MMP26: variants seen among roughly 807,000 people sequenced by gnomAD.
MMP26 encodes matrix metallopeptidase 26, also known as matrix metalloproteinase-26.
MMP26 carries 33 observed loss-of-function variants against 31.0 expected under a neutral mutation model. That is an observed-to-expected ratio of 1.06 (90% CI 0.81 to 1.42). The LOEUF is 1.42. Among genes scored for constraint, MMP26 ranks in the 40% most tolerant of loss-of-function variants. The pLI, the probability that MMP26 is intolerant of heterozygous loss-of-function variation, is 0.00. For synonymous variants in MMP26, 122 were observed against 114.9 expected, an observed-to-expected ratio of 1.06 and a Z score of -0.40; for missense variants, 347 against 316.1, an observed-to-expected ratio of 1.10 and a Z score of -0.74.
At chr11:4,914,453 G>A in intron 2 of MMP26, 4 of 402,620 alleles carry the variant, frequency 9.9e-6, no homozygotes. Context: ...TCTTTATGAG[G>A]AGTAGCAAGT....
At chr11:4,837,543 T>A (rs899448598) in intron 2 of MMP26, among the ~76,000 whole-genome samples, 2 of 152,182 alleles carry the variant, frequency 1.3e-5, no homozygotes, top group African/African-American at 4.8e-5. Flanking sequence ...GAAAAATGGA[T>A]GAAGATTATT....
intron 2 of MMP26, among the ~76,000 whole-genome samples, chr11:4,897,246 TCTC>T (rs969071702): frequency 1.3e-5 from 2 of 152,058 alleles, no homozygotes; most frequent in Admixed American, 1.3e-4. Context: ...TTCAAGCAAT[TCTC>T]CTGCCTCAGC....
intron 2 of MMP26, among the ~76,000 whole-genome samples, chr11:4,939,083 C>T (rs938866330): frequency 6.6e-6 from 1 of 152,034 alleles, no homozygotes; most frequent in African/African-American, 2.4e-5. Flanking sequence ...TCTTCAGGCA[C>T]GTAATCTAGT....
At chr11:4,818,030 C>T (rs1564787483) in intron 2 of MMP26, among the ~76,000 whole-genome samples, 1 of 152,094 alleles carries the variant, frequency 6.6e-6, no homozygotes, top group East Asian at 1.9e-4. Flanking sequence ...AGTGGAGAGG[C>T]AAGTGCTCAG....
intron 2 of MMP26, among the ~76,000 whole-genome samples, chr11:4,979,512 C>A (rs1279572971): frequency 6.6e-6 from 1 of 152,048 alleles, no homozygotes; most frequent in Non-Finnish European, 1.5e-5. Flanking sequence ...GGTAGTGGCT[C>A]AATCCTTAGT....
intron 2 of MMP26, among the ~76,000 whole-genome samples, chr11:4,770,429 C>T (rs1044188389): frequency 2.6e-5 from 4 of 152,158 alleles, no homozygotes; most frequent in Admixed American, 6.5e-5. Flanking sequence ...TCATCCAACA[C>T]TATAGGTAAA....
At chr11:4,723,009 T>C (rs1156645596) in intron 1 of MMP26, 1 of 910,744 alleles carries the variant, frequency 1.1e-6, no homozygotes, top group Non-Finnish European at 1.8e-6. Flanking sequence ...TCCAGCAGCT[T>C]CCTGTAGGTG....
At chr11:4,762,045 T>A (rs529904721) in intron 1 of MMP26, among the ~76,000 whole-genome samples, 9 of 152,264 alleles carry the variant, frequency 5.9e-5, no homozygotes, top group African/African-American at 1.9e-4. Flanking sequence ...TGTACAGTGA[T>A]TATTGTTTTA....
intron 2 of MMP26, among the ~76,000 whole-genome samples, chr11:4,898,829 CTCTGTGTGTGTG>C (rs1473194932): frequency 0.036 from 4,477 of 125,364 alleles, 86 homozygotes; most frequent in Non-Finnish European, 0.046. Context: ...CTCTCTCTCT[CTCTGTGTGTGTG>C]TGTGTGTGTG....
chr11:4,924,483 G>C, intron 2 of MMP26: 2 of 806,672 alleles, frequency 2.5e-6, no homozygotes, highest in East Asian at 5.2e-5. Flanking sequence ...AACTGGGTGG[G>C]GGCTGATCTA....
chr11:4,923,249 C>A, intron 2 of MMP26: 1 of 895,372 alleles, frequency 1.1e-6, no homozygotes, highest in East Asian at 2.6e-5. Flanking sequence ...GTCACACTGC[C>A]TTATGTTGCA....
At chr11:4,923,821 G>C in intron 2 of MMP26, 1 of 1,613,998 alleles carries the variant, frequency 6.2e-7, no homozygotes, top group Non-Finnish European at 8.5e-7. Flanking sequence ...CCAGCACATG[G>C]GAGTGGCAGT....
chr11:4,988,322 A>G lies in MMP26; in HGVS notation c.99+12A>G. ...GGGACTTTGTTGAGGTAGGTGAACG[A>G]CTCAGGACCACATTATTACATGGTG... is the stretch of plus-strand genomic sequence containing the variant. On this transcript the variant is annotated intron_variant, in intron 3 of 7. Transcript: ENST00000380390. 6.2e-7 allele frequency: 1 copy of G among 1,602,476 alleles called. No individual in the cohort carries two copies. The highest frequency in any genetic ancestry group is 8.6e-7 in the Non-Finnish European group (1 of 1,169,538).
chr11:4,931,456 C>A lies in MMP26; in HGVS notation c.-144-56612C>A, dbSNP rs143622531. Among the ~76,000 whole-genome samples, 223 of 151,992 alleles carry A rather than the reference C, an allele frequency of 1.5e-3. 1 individual carries two copies. The highest frequency in any genetic ancestry group is 5.1e-3 in the African/African-American group (213 of 41,464). The stretch of plus-strand genomic sequence containing the variant: ...GGAACAAAGAGCCAAAAACAAAAGA[C>A]AAAACACGCAAACATATAATATGCA... On this transcript the variant is annotated intron_variant, in intron 2 of 7. Transcript: ENST00000380390.
intron 2 of MMP26, among the ~76,000 whole-genome samples, chr11:4,977,345 C>A (rs1232336307): frequency 3.3e-5 from 5 of 152,084 alleles, no homozygotes; most frequent in Admixed American, 3.3e-4. Context: ...TTGAAGAGAT[C>A]TCTAGGGCTA....
chr11:4,835,446 C>T (rs1849705570), intron 2 of MMP26, among the ~76,000 whole-genome samples: 2 of 152,022 alleles, frequency 1.3e-5, no homozygotes, highest in Admixed American at 1.3e-4. Context: ...ACTTATCAGT[C>T]AAGTTAACGT....
chr11:4,889,883 A>G (rs922710763), intron 2 of MMP26: 8 of 157,790 alleles, frequency 5.1e-5, no homozygotes, highest in African/African-American at 1.9e-4. Flanking sequence ...CAGGATGAGC[A>G]CATAAGACAC....
chr11:4,988,607 A>G (rs1288515018), intron 3 of MMP26, among the ~76,000 whole-genome samples: 2 of 152,006 alleles, frequency 1.3e-5, no homozygotes, highest in Non-Finnish European at 2.9e-5. Flanking sequence ...TAGAGTGAAC[A>G]CTCCAGTATA....
intron 1 of MMP26, among the ~76,000 whole-genome samples, chr11:4,754,541 T>C (rs7936128): frequency 0.092 from 13,955 of 152,096 alleles, 1,351 homozygotes; most frequent in African/African-American, 0.25. Flanking sequence ...ATAGAATGAA[T>C]GTATTAGTCA....
Sources: gnomAD v4.1 joint callset for allele counts (sites outside exome capture counted in the v4.1 genomes callset) on GRCh38, gnomAD v4.1.1 for gene constraint, MANE v1.5 for transcripts, NCBI Gene and HGNC (gene_info 2026-07-23, HGNC 2026-07-21) for gene names.